Variants in PCDHA3 observed in about 807,000 individuals in gnomAD.
PCDHA3 encodes protocadherin alpha-3.
Under a neutral mutation model 62.2 loss-of-function variants are expected in PCDHA3, and 41 were observed. The observed-to-expected ratio is 0.66, with a 90% CI of 0.51 to 0.86. The LOEUF is 0.86. Among genes scored for constraint, PCDHA3 ranks in the 40% least tolerant of loss-of-function variants. The probability of loss-of-function intolerance (pLI) is 0.00; values close to 1 mark genes in which losing one functional copy is unlikely to be tolerated. For synonymous variants in PCDHA3, 640 were observed against 555.4 expected (o/e 1.15, Z -2.14); for missense variants, 1,304 against 1,241.2 (o/e 1.05, Z -0.76).
At chr5:140,917,495 AATG>A (rs1391932074) in intron 1 of PCDHA3, among the ~76,000 whole-genome samples, 1 of 152,174 alleles carries the variant, frequency 6.6e-6, no homozygotes, top group Non-Finnish European at 1.5e-5. Flanking sequence ...CTATGCCCAG[AATG>A]ATATTTTCTA....
chr5:140,826,083 T>C (rs1190290121), intron 1 of PCDHA3, among the ~76,000 whole-genome samples: 2 of 152,240 alleles, frequency 1.3e-5, no homozygotes, highest in Non-Finnish European at 2.9e-5. Context: ...TTCAATTTTA[T>C]AAGTACCCTT....
chr5:141,007,435 G>A (rs1342767950), intron 3 of PCDHA3, among the ~76,000 whole-genome samples: 1 of 150,972 alleles, frequency 6.6e-6, no homozygotes, highest in Non-Finnish European at 1.5e-5. Flanking sequence ...AGGCATGGTG[G>A]CATGTGCCTG....
rs781820550 is a variant in PCDHA3, at chr5:140,869,927, G to A, written c.2394+66336G>A. 14 of 1,611,538 alleles carry A rather than the reference G, an allele frequency of 8.7e-6. No individual in the cohort carries two copies. The East Asian group carries it at 2.5e-4, about 28-fold the overall frequency. On this transcript the variant is annotated intron_variant, in intron 1 of 3. Coordinates refer to ENST00000522353, the MANE Select transcript of PCDHA3 (RefSeq NM_018906.3). ...ACAGACCGAGACGAAGGAGTCAATG[G>A]AGAGGTAACATACTCCTTAATGTCA...
intron 1 of PCDHA3, among the ~76,000 whole-genome samples, chr5:140,953,839 A>G (rs2094940958): frequency 6.6e-6 from 1 of 152,192 alleles, no homozygotes; most frequent in African/African-American, 2.4e-5. Flanking sequence ...TTTGTTACCC[A>G]GGTAAACATG....
chr5:140,973,411 C>G (rs545745437), intron 1 of PCDHA3, among the ~76,000 whole-genome samples: 2 of 152,326 alleles, frequency 1.3e-5, no homozygotes, highest in East Asian at 3.9e-4. Context: ...TGAGCTTCCA[C>G]TCCAGTTTTT....
chr5:140,801,611 G>T lies in PCDHA3; in HGVS notation c.414G>T (p.Lys138Asn), dbSNP rs146287685. The stretch of plus-strand genomic sequence containing the variant: ...CGCCAGTTTTTCCAATGGCTGTAAA[G>T]AATCTGTTTATTTCCGAATCCCGAC... ...DNAPVFPMAV[K>N]NLFISESRQP... Residue 138 changes from lysine to asparagine, a missense_variant, in exon 1 of 4, where the codon AAG becomes AAT. Lys to Asn is a moderately conservative substitution (Grantham distance 94). Coordinates refer to ENST00000522353, the MANE Select transcript of PCDHA3 (RefSeq NM_018906.3). The T allele has an allele frequency of 9.9e-6, 16 of 1,614,044 alleles. No homozygotes were observed. The African/African-American group carries it at 2.1e-4, about 22-fold the overall frequency.
rs2150236646 is a variant in PCDHA3 at position 140,835,485 on chromosome 5, G to T, written c.2394+31894G>T. On this transcript the variant is annotated intron_variant, in intron 1 of 3. Transcript: ENST00000522353. ...TCCAGAGGACGCCCAACCAGGTACC[G>T]TCATCACATTGATTAGCGTGTTTGA... The T allele has an allele frequency of 3.8e-5, 62 of 1,613,778 alleles. 1 individual carries two copies. Among genetic ancestry groups the T allele is most frequent in the South Asian group, 9.9e-5 (9 of 91,074 alleles).
At chr5:140,967,669 G>T (rs782398219) in intron 1 of PCDHA3, 1 of 1,614,126 alleles carries the variant, frequency 6.2e-7, no homozygotes, top group Non-Finnish European at 8.5e-7. Context: ...GCTACACGTC[G>T]GACCGGGAGA....
At chr5:140,872,804 A>G (rs918819226) in intron 1 of PCDHA3, among the ~76,000 whole-genome samples, 1 of 152,170 alleles carries the variant, frequency 6.6e-6, no homozygotes, top group Admixed American at 6.5e-5. Flanking sequence ...ATTCTTCCAT[A>G]AGTTTTTCAG....
intron 1 of PCDHA3, chr5:140,927,936 A>G: frequency 6.2e-7 from 1 of 1,614,246 alleles, no homozygotes; most frequent in East Asian, 2.2e-5. Context: ...TTTCGAACCC[A>G]GTACCTGAGG....
intron 1 of PCDHA3, among the ~76,000 whole-genome samples, chr5:140,880,237 T>C (rs2058279701): frequency 6.6e-6 from 1 of 152,148 alleles, no homozygotes; most frequent in Non-Finnish European, 1.5e-5. Flanking sequence ...AATTAGTGTA[T>C]GTGCGTGTGT....
At chr5:140,990,740 G>A (rs76434886) in intron 3 of PCDHA3, among the ~76,000 whole-genome samples, 1 of 152,170 alleles carries the variant, frequency 6.6e-6, no homozygotes, top group African/African-American at 2.4e-5. Flanking sequence ...AACAGCCCTA[G>A]GGTGGATACC....
At position 140,892,638 on chromosome 5, in the gene PCDHA3, T is replaced by C. The variant is rs151070567; in HGVS notation, c.2395-86311T>C. Among the ~76,000 whole-genome samples the C allele has an allele frequency of 1.2e-4, 19 of 152,324 alleles. No homozygotes were observed. The East Asian group carries it at 2.5e-3, about 20-fold the overall frequency. ...CCAGTTGGTACATAATAATTGTACA[T>C]ATTTATAGGATACAGAGTGACATTT... is the stretch of plus-strand genomic sequence containing the variant. On this transcript the variant is annotated intron_variant, in intron 1 of 3. Transcript: ENST00000522353.
At chr5:140,990,022 G>C (rs891983888) in intron 3 of PCDHA3, among the ~76,000 whole-genome samples, 1 of 152,156 alleles carries the variant, frequency 6.6e-6, no homozygotes, top group Non-Finnish European at 1.5e-5. Flanking sequence ...GCTAGGCAAA[G>C]GATGGGAGAA....
rs1284021507 is a variant in PCDHA3 at position 140,883,838 on chromosome 5, G to A, written c.2394+80247G>A. The A allele has an allele frequency of 1.9e-6, 3 of 1,612,620 alleles. No individual in the cohort carries two copies. In the Admixed American group the frequency reaches 5.0e-5, roughly 27 times the overall value. ...CAAGGTGTACGCGCTGCAGCCGTTG[G>A]ACCACGAGGAGCTGGAGCTGTTGCA... On this transcript the variant is annotated intron_variant, in intron 1 of 3. Coordinates refer to ENST00000522353, the MANE Select transcript of PCDHA3 (RefSeq NM_018906.3).
chr5:140,877,015 G>T lies in PCDHA3; in HGVS notation c.2394+73424G>T, dbSNP rs371309003. The T allele has an allele frequency of 1.6e-5, 26 of 1,612,358 alleles. No individual in the cohort carries two copies. Among genetic ancestry groups the T allele is most frequent in the African/African-American group, 4.0e-5 (3 of 74,900 alleles). On this transcript the variant is annotated intron_variant, in intron 1 of 3. Transcript: ENST00000522353. The stretch of plus-strand genomic sequence containing the variant: ...CTACGTGTCGGTGCACGCGGAGAGC[G>T]GCAAGGTGTACGCGCTGCAGCCGCT...
intron 1 of PCDHA3, among the ~76,000 whole-genome samples, chr5:140,963,991 A>G (rs1232646749): frequency 1.3e-5 from 2 of 152,190 alleles, no homozygotes; most frequent in Admixed American, 6.5e-5. Context: ...ATTCCTAATT[A>G]CTGTGTTCTA....
At chr5:140,974,721 G>T (rs1033117636) in intron 1 of PCDHA3, among the ~76,000 whole-genome samples, 1 of 152,050 alleles carries the variant, frequency 6.6e-6, no homozygotes, top group Non-Finnish European at 1.5e-5. Context: ...AGCTGCTCTC[G>T]AACTCCTGTC....
chr5:140,806,028 A>T lies in PCDHA3; in HGVS notation c.2394+2437A>T, dbSNP rs73791789. On this transcript the variant is annotated intron_variant, in intron 1 of 3. Transcript: ENST00000522353. ...CATACTCAAATGCTTATAAGAGATA[A>T]ATTAATGTAATAAATGGCCCACGCG... 6.4e-3 allele frequency among the ~76,000 whole-genome samples: 974 copies of T among 152,332 alleles called. 8 individuals carry two copies. The highest frequency in any genetic ancestry group is 0.023 in the African/African-American group (940 of 41,570).
Sources: allele counts gnomAD v4.1 joint callset (sites outside exome capture counted in the v4.1 genomes callset), GRCh38; gene constraint gnomAD v4.1.1; transcripts MANE v1.5; gene names NCBI Gene and HGNC (gene_info 2026-07-23, HGNC 2026-07-21).